Variants in NXN observed in about 807,000 individuals in gnomAD.
NXN encodes nucleoredoxin, also known as nucleoredoxin 1.
A neutral mutation model predicts 48.6 loss-of-function variants in NXN; 16 were observed. The ratio of observed to expected loss-of-function variants is 0.33; its 90% CI spans 0.22 to 0.50. The LOEUF (loss-of-function observed/expected upper bound fraction) is 0.50, where lower values mean the gene tolerates loss of function less well. Among genes scored for constraint, NXN ranks in the 20% least tolerant of loss-of-function variants. The pLI, the probability that NXN is intolerant of heterozygous loss-of-function variation, is 0.98. For missense variants in NXN, 492 were observed against 605.5 expected, an observed-to-expected ratio of 0.81 and a Z score of 1.97; for synonymous variants, 281 against 269.6, an observed-to-expected ratio of 1.04 and a Z score of -0.41.
At chr17:903,559 T>A (rs1597228224) in intron 1 of NXN, among the ~76,000 whole-genome samples, 1 of 151,940 alleles carries the variant, frequency 6.6e-6, no homozygotes, top group Admixed American at 6.6e-5. Context: ...ACTTTAAAAT[T>A]TTTTGTAAAG....
chr17:975,532 G>A (rs2663331), intron 1 of NXN, among the ~76,000 whole-genome samples: 2,870 of 152,228 alleles, frequency 0.019, 94 homozygotes, highest in African/African-American at 0.066. Flanking sequence ...CCTGGCTGGA[G>A]CAGGCTGACC....
At chr17:876,610 C>G (rs1028655570) in intron 1 of NXN, among the ~76,000 whole-genome samples, 1 of 152,166 alleles carries the variant, frequency 6.6e-6, no homozygotes, top group East Asian at 1.9e-4. Flanking sequence ...TCTCACTGGG[C>G]GGGGAGCTCA....
intron 1 of NXN, among the ~76,000 whole-genome samples, chr17:881,445 T>C (rs1295156531): frequency 6.6e-6 from 1 of 152,188 alleles, no homozygotes; most frequent in Non-Finnish European, 1.5e-5. Context: ...CAGGCTAGTC[T>C]CAAACTCCCG....
intron 1 of NXN, among the ~76,000 whole-genome samples, chr17:826,562 C>G (rs117938900): frequency 6.6e-6 from 1 of 152,218 alleles, no homozygotes; most frequent in African/African-American, 2.4e-5. Flanking sequence ...ACGAGAGCCT[C>G]GCCACCCTGG....
chr17:856,489 T>TTC (rs2067987620), intron 1 of NXN, among the ~76,000 whole-genome samples: 2 of 81,180 alleles, frequency 2.5e-5, no homozygotes, highest in South Asian at 7.3e-4. Context: ...GTACTTGTCT[T>TTC]TTTTTTTTTT....
intron 1 of NXN, among the ~76,000 whole-genome samples, chr17:832,940 G>A (rs977467441): frequency 1.3e-5 from 2 of 151,998 alleles, no homozygotes; most frequent in Non-Finnish European, 2.9e-5. Flanking sequence ...CCCCAGGCTG[G>A]AGTGCAGTGG....
At chr17:914,601 A>C (rs552422850) in intron 1 of NXN, among the ~76,000 whole-genome samples, 1 of 152,242 alleles carries the variant, frequency 6.6e-6, no homozygotes, top group African/African-American at 2.4e-5. Context: ...ACACAATTCA[A>C]CAAACATGTA....
intron 1 of NXN, among the ~76,000 whole-genome samples, chr17:923,046 G>T (rs1047266641): frequency 6.6e-6 from 1 of 151,942 alleles, no homozygotes; most frequent in Non-Finnish European, 1.5e-5. Flanking sequence ...ACTTCAACTC[G>T]ACTTACTCAC....
At chr17:857,383 A>G (rs2067997165) in intron 1 of NXN, among the ~76,000 whole-genome samples, 1 of 151,864 alleles carries the variant, frequency 6.6e-6, no homozygotes, top group Non-Finnish European at 1.5e-5. Flanking sequence ...GCCTCAGCCT[A>G]CCGAGTAGCT....
At chr17:811,518 G>T (rs1469959650) in intron 5 of NXN, among the ~76,000 whole-genome samples, 1 of 151,822 alleles carries the variant, frequency 6.6e-6, no homozygotes, top group Non-Finnish European at 1.5e-5. Flanking sequence ...TTGGGGGGGG[G>T]GCAGCACTCT....
At chr17:818,589 T>A (rs967471770) in intron 5 of NXN, among the ~76,000 whole-genome samples, 1 of 151,802 alleles carries the variant, frequency 6.6e-6, no homozygotes, top group African/African-American at 2.4e-5. Flanking sequence ...CCCAATCATA[T>A]TAGAATCCAC....
intron 1 of NXN, among the ~76,000 whole-genome samples, chr17:866,603 G>C (rs1054239134): frequency 6.6e-6 from 1 of 152,112 alleles, no homozygotes; most frequent in African/African-American, 2.4e-5. Flanking sequence ...AGAGAGGATA[G>C]GTGAGGAGTT....
chr17:969,304 G>T (rs772221548), intron 1 of NXN, among the ~76,000 whole-genome samples: 1 of 152,010 alleles, frequency 6.6e-6, no homozygotes, highest in Non-Finnish European at 1.5e-5. Context: ...TCCAGAACTG[G>T]CCCCAAAGTC....
At position 956,577 on chromosome 17, in the gene NXN, C is replaced by A. The variant is rs567533293; in HGVS notation, c.360+22742G>T. Among the ~76,000 whole-genome samples, 103 of 152,162 alleles carry A rather than the reference C, an allele frequency of 6.8e-4. 2 individuals carry two copies. In the South Asian group the frequency reaches 7.1e-3, roughly 10 times the overall value. ...TACAGGCGCCCGCCACCACGTCCGG[C>A]TAATTTTTTGTATTTTTAGTAGCAA... On this transcript the variant is annotated intron_variant, in intron 1 of 7. Transcript: ENST00000336868. This position sits in a 1 kb window ranked among gnomAD's most constrained non-coding sequence, Gnocchi z 4.1.
chr17:825,909 A>G lies in NXN; in HGVS notation c.478+52T>C. 3 of 1,158,710 alleles carry G rather than the reference A, an allele frequency of 2.6e-6. No homozygotes were observed. The highest frequency in any genetic ancestry group is 3.8e-6 in the Non-Finnish European group (3 of 784,230). 71.8% of individuals were successfully genotyped at this position (1,158,710 alleles called of 1,614,324 possible). A position where few individuals can be genotyped will look rare whatever the true frequency, so the allele number is the denominator to read the frequency against. ...GACGGAGATTAGCCTAAGGGCATGG[A>G]GGAGGGAGGGCTGGGTAATAAGAGG... On this transcript the variant is annotated intron_variant, in intron 2 of 7. Coordinates refer to ENST00000336868, the MANE Select transcript of NXN (RefSeq NM_022463.5). The surrounding 1 kb of genome is among the most constrained non-coding windows in gnomAD (Gnocchi z 4.1).
At position 920,884 on chromosome 17, in the gene NXN, G is replaced by A. The variant is rs532614902; in HGVS notation, c.360+58435C>T. 1.9e-4 allele frequency among the ~76,000 whole-genome samples: 29 copies of A among 151,944 alleles called. No individual in the cohort carries two copies. The highest frequency in any genetic ancestry group is 9.7e-4 in the East Asian group (5 of 5,154). On this transcript the variant is annotated intron_variant, in intron 1 of 7. Transcript: ENST00000336868. This position sits in a 1 kb window ranked among gnomAD's most constrained non-coding sequence, Gnocchi z 4.6. The stretch of plus-strand genomic sequence containing the variant: ...ATTACAGGCGCCCGCCACCATGTCC[G>A]GCTAATTTTTGTAATTTTAGTAAAG...
intron 1 of NXN, among the ~76,000 whole-genome samples, chr17:962,613 G>C (rs1259996144): frequency 6.6e-6 from 1 of 152,098 alleles, no homozygotes; most frequent in Admixed American, 6.6e-5. Flanking sequence ...TCATAACTTT[G>C]GATTTAAGGT....
At chr17:962,915 G>T (rs924449391) in intron 1 of NXN, among the ~76,000 whole-genome samples, 2 of 152,150 alleles carry the variant, frequency 1.3e-5, no homozygotes, top group African/African-American at 4.8e-5. Flanking sequence ...CTAAGGACGG[G>T]GAAGCGGCTT....
chr17:823,197 G>A (rs1216782287), intron 3 of NXN, among the ~76,000 whole-genome samples: 5 of 151,624 alleles, frequency 3.3e-5, no homozygotes, highest in Non-Finnish European at 7.4e-5. Context: ...TCAGGAGTTC[G>A]AGACCAGCCT....
Sources: gnomAD v4.1 joint callset for allele counts (sites outside exome capture counted in the v4.1 genomes callset) on GRCh38, gnomAD v4.1.1 for gene constraint, Gnocchi (gnomAD v3.1) non-coding constraint, MANE v1.5 for transcripts, NCBI Gene and HGNC (gene_info 2026-07-23, HGNC 2026-07-21) for gene names.